BBX: variants seen among roughly 807,000 people sequenced by gnomAD.
The protein encoded by BBX is HMG box transcription factor BBX.
A neutral mutation model predicts 100.2 loss-of-function variants in BBX; 30 were observed. That is an observed-to-expected ratio of 0.30 (90% CI 0.22 to 0.41). The LOEUF (loss-of-function observed/expected upper bound fraction) is 0.41, where lower values mean the gene tolerates loss of function less well. BBX is among the 10% of genes least tolerant of loss of function. The pLI, the probability that BBX is intolerant of heterozygous loss-of-function variation, is 1.00. For missense variants in BBX, 1,023 were observed against 1,129.8 expected (o/e 0.91, Z 1.35); for synonymous variants, 376 against 388.1 (o/e 0.97, Z 0.37).
chr3:107,623,252 G>A (rs887073247), intron 2 of BBX, among the ~76,000 whole-genome samples: 11 of 152,164 alleles, frequency 7.2e-5, no homozygotes, highest in African/African-American at 2.7e-4. Context: ...AACAACAGGG[G>A]TTAGCCTTAC....
At chr3:107,597,726 T>C (rs912298538) in intron 2 of BBX, among the ~76,000 whole-genome samples, 7 of 152,244 alleles carry the variant, frequency 4.6e-5, no homozygotes, top group African/African-American at 1.7e-4. Flanking sequence ...AATTTTATTC[T>C]AAACAAAGAA....
chr3:107,618,814 A>C (rs779626435), intron 2 of BBX, among the ~76,000 whole-genome samples: 1 of 152,108 alleles, frequency 6.6e-6, no homozygotes, highest in Non-Finnish European at 1.5e-5. Context: ...TTTATAGCAT[A>C]ACATGTAGTC....
At chr3:107,689,641 C>T (rs1385803731) in intron 3 of BBX, among the ~76,000 whole-genome samples, 1 of 152,176 alleles carries the variant, frequency 6.6e-6, no homozygotes, top group East Asian at 1.9e-4. Context: ...TTCCCTCCCT[C>T]CTCAGTGTAT....
At chr3:107,789,614 C>T (rs1476978668) in intron 13 of BBX, among the ~76,000 whole-genome samples, 173 bp from the exon 14 acceptor site, 1 of 151,956 alleles carries the variant, frequency 6.6e-6, no homozygotes, top group African/African-American at 2.4e-5. Context: ...TTTAAATAAG[C>T]CTAAAAAGGG....
intron 2 of BBX, among the ~76,000 whole-genome samples, chr3:107,591,394 T>C (rs2053299231): frequency 6.6e-6 from 1 of 152,118 alleles, no homozygotes; most frequent in Non-Finnish European, 1.5e-5. Context: ...TGTAAGTCCA[T>C]TAAAAGAAGC....
chr3:107,681,324 C>T (rs1374466231), intron 3 of BBX, among the ~76,000 whole-genome samples: 1 of 152,022 alleles, frequency 6.6e-6, no homozygotes, highest in East Asian at 1.9e-4. Flanking sequence ...TGTTATGAAA[C>T]GTCTTTTTTA....
At chr3:107,643,802 CAT>C (rs1378132347) in intron 2 of BBX, among the ~76,000 whole-genome samples, 2 of 152,154 alleles carry the variant, frequency 1.3e-5, no homozygotes, top group Non-Finnish European at 2.9e-5. Flanking sequence ...TGAGGCTACT[CAT>C]GTGGCCATTT....
intron 2 of BBX, among the ~76,000 whole-genome samples, chr3:107,602,080 A>G (rs1467216206): frequency 6.6e-6 from 1 of 152,214 alleles, no homozygotes; most frequent in Non-Finnish European, 1.5e-5. Flanking sequence ...TGTTTACAGC[A>G]GGGTTTATTG....
chr3:107,537,282 A>G (rs938140301), intron 2 of BBX, among the ~76,000 whole-genome samples: 4 of 152,224 alleles, frequency 2.6e-5, no homozygotes, highest in African/African-American at 7.2e-5. Context: ...TTGTTCAGCT[A>G]TGTAACATAT....
rs550385716 is a variant in BBX, at chr3:107,806,577, G to C, written c.*1120G>C. 1.5e-4 allele frequency: 23 copies of C among 152,298 alleles called. No homozygotes were observed. The highest frequency in any genetic ancestry group is 4.6e-4 in the African/African-American group (19 of 41,554). The allele number at this position is 152,298 out of a possible 1,614,324, so 9.4% of individuals were successfully genotyped here. Reference sequence around the variant, plus strand: ...ACTGAGTCAATGATGAGGGAGGTATGCCTGACCAGAGTGGGACTCTCAGTC... The same window carrying C: ...ACTGAGTCAATGATGAGGGAGGTATCCCTGACCAGAGTGGGACTCTCAGTC... On this transcript the variant is annotated 3_prime_UTR_variant, in exon 18 of 18. Coordinates refer to ENST00000325805, the MANE Select transcript of BBX (RefSeq NM_001142568.3).
chr3:107,545,638 A>G (rs1412617945), intron 2 of BBX, among the ~76,000 whole-genome samples: 2 of 152,112 alleles, frequency 1.3e-5, no homozygotes, highest in East Asian at 1.9e-4. Context: ...TCTTTGTGCT[A>G]TCCATGGAGT....
At chr3:107,572,385 A>G (rs1466168878) in intron 2 of BBX, among the ~76,000 whole-genome samples, 3 of 152,178 alleles carry the variant, frequency 2.0e-5, no homozygotes, top group African/African-American at 7.2e-5. Context: ...TATGTGTTAA[A>G]TGGCTATTTT....
At chr3:107,570,076 A>G (rs2051234625) in intron 2 of BBX, among the ~76,000 whole-genome samples, 1 of 152,184 alleles carries the variant, frequency 6.6e-6, no homozygotes, top group Non-Finnish European at 1.5e-5. Flanking sequence ...TCCTTGGCCC[A>G]GTGGCCAGAT....
At chr3:107,550,543 G>C (rs2107420689) in intron 2 of BBX, among the ~76,000 whole-genome samples, 1 of 152,230 alleles carries the variant, frequency 6.6e-6, no homozygotes, top group Middle Eastern at 3.4e-3. Flanking sequence ...TTTGGTGAGG[G>C]GTAAACCGCA....
chr3:107,530,915 C>A (rs965862821), intron 2 of BBX, among the ~76,000 whole-genome samples: 1 of 152,240 alleles, frequency 6.6e-6, no homozygotes. Flanking sequence ...GATTTCATGA[C>A]TTATAGTTTG....
intron 2 of BBX, among the ~76,000 whole-genome samples, chr3:107,582,421 T>C (rs537784880): frequency 6.6e-6 from 1 of 152,204 alleles, no homozygotes; most frequent in African/African-American, 2.4e-5. Flanking sequence ...TATATCTTTA[T>C]GGTTGAAGGA....
rs376305435 is a variant in BBX at position 107,763,780 on chromosome 3, G to A, written c.906+8102G>A. Among the ~76,000 whole-genome samples, 6 of 152,206 alleles carry A rather than the reference G, an allele frequency of 3.9e-5. No homozygotes were observed. The South Asian group carries it at 1.2e-3, about 32-fold the overall frequency. On this transcript the variant is annotated intron_variant, in intron 10 of 17. Transcript: ENST00000325805. ...ACTGATTTTTCTTTTTCTTTTGGGA[G>A]TGAGTTCCATTTCTTCCTGCACATC...
chr3:107,701,197 A>G (rs866530106), intron 3 of BBX, among the ~76,000 whole-genome samples: 7 of 152,074 alleles, frequency 4.6e-5, no homozygotes, highest in African/African-American at 1.2e-4. Context: ...GCCAGTGATG[A>G]TGAGCATTTT....
rs1430914685 is a variant in BBX, at chr3:107,737,889, T to TTG, written c.669+4867_669+4868insGT. Among the ~76,000 whole-genome samples the TTG allele has an allele frequency of 5.4e-5, 7 of 129,614 alleles. No individual in the cohort carries two copies. The South Asian group carries it at 7.5e-4, about 14-fold the overall frequency. The allele number at this position is 129,614 out of a possible 152,430, so 85.0% of individuals were successfully genotyped here. ...AGAAGTACTTCAGAGTTCCAGTTTT[T>TTG]TTTTTTTTTTTTTTTTTTTTTTTTT... On this transcript the variant is annotated intron_variant, in intron 7 of 17. Coordinates refer to ENST00000325805, the MANE Select transcript of BBX (RefSeq NM_001142568.3).
Sources: allele counts gnomAD v4.1 joint callset (sites outside exome capture counted in the v4.1 genomes callset), GRCh38; gene constraint gnomAD v4.1.1; transcripts MANE v1.5; gene names NCBI Gene and HGNC (gene_info 2026-07-23, HGNC 2026-07-21).